Variants in TECRL observed in about 807,000 individuals in gnomAD.
The protein encoded by TECRL is trans-2,3-enoyl-CoA reductase like, also known as trans-2,3-enoyl-CoA reductase-like.
Under a neutral mutation model 52.8 loss-of-function variants are expected in TECRL, and 63 were observed. The observed-to-expected ratio is 1.19, with a 90% CI of 0.97 to 1.47. The LOEUF is 1.47. TECRL is among the 40% of genes most tolerant of loss of function. TECRL has a pLI of 0.00. For synonymous variants in TECRL, 164 were observed against 141.9 expected (o/e 1.16, Z -1.10); for missense variants, 482 against 429.6 (o/e 1.12, Z -1.08).
At chr4:64,338,856 A>G (rs1432670648) in intron 2 of TECRL, among the ~76,000 whole-genome samples, 1 of 152,198 alleles carries the variant, frequency 6.6e-6, no homozygotes, top group Admixed American at 6.5e-5. Context: ...TAGTTCAACC[A>G]TTGTGGAAGA....
chr4:64,398,353 G>C (rs985238264), intron 1 of TECRL, among the ~76,000 whole-genome samples: 1 of 152,118 alleles, frequency 6.6e-6, no homozygotes, highest in Non-Finnish European at 1.5e-5. Flanking sequence ...TGGTGGGAGG[G>C]AAATGAATCA....
At chr4:64,283,691 G>T (rs943129463) in intron 9 of TECRL, among the ~76,000 whole-genome samples, 1 of 151,978 alleles carries the variant, frequency 6.6e-6, no homozygotes, top group Non-Finnish European at 1.5e-5. Context: ...ACAGGTCCAG[G>T]TCTTAACTGC....
At chr4:64,329,509 A>G (rs898115637) in intron 2 of TECRL, among the ~76,000 whole-genome samples, 2 of 151,912 alleles carry the variant, frequency 1.3e-5, no homozygotes, top group African/African-American at 2.4e-5. Context: ...GATGAAAAAT[A>G]TATGTGGGTA....
intron 1 of TECRL, among the ~76,000 whole-genome samples, chr4:64,382,904 A>T (rs1234069271): frequency 2.0e-5 from 3 of 151,682 alleles, no homozygotes; most frequent in Admixed American, 6.6e-5. Flanking sequence ...TTGTATTTTC[A>T]TGGTGGTAGA....
intron 9 of TECRL, among the ~76,000 whole-genome samples, chr4:64,282,517 A>AT (rs973303648): frequency 6.6e-6 from 1 of 151,936 alleles, no homozygotes; most frequent in Non-Finnish European, 1.5e-5. Context: ...GTTATTACTG[A>AT]TTTTTTACAG....
intron 2 of TECRL, among the ~76,000 whole-genome samples, chr4:64,334,161 G>A (rs2110058162): frequency 6.6e-6 from 1 of 152,042 alleles, no homozygotes; most frequent in Non-Finnish European, 1.5e-5. Flanking sequence ...AAGAAAAGGG[G>A]CAGGCACATG....
intron 1 of TECRL, among the ~76,000 whole-genome samples, chr4:64,393,259 G>C (rs1723675607): frequency 6.6e-6 from 1 of 152,000 alleles, no homozygotes; most frequent in South Asian, 2.1e-4. Context: ...AAAAGGACAT[G>C]CATCACTTAG....
chr4:64,279,786 G>T lies in TECRL; in HGVS notation c.*286C>A. On this transcript the variant is annotated 3_prime_UTR_variant, in exon 12 of 12. Transcript: ENST00000381210. ...TTTTTGCTGTGGTATTTTGTCTTAT[G>T]CAAATAGTATTGTGAAGTATTAATG... 1.0e-6 allele frequency: 1 copy of T among 996,804 alleles called. No individual in the cohort carries two copies. 61.7% of individuals were successfully genotyped at this position (996,804 alleles called of 1,614,324 possible).
chr4:64,381,848 G>T (rs1722814608), intron 1 of TECRL, among the ~76,000 whole-genome samples: 1 of 151,978 alleles, frequency 6.6e-6, no homozygotes, highest in African/African-American at 2.4e-5. Context: ...TTGGCCTGTA[G>T]TACTATTTGC....
chr4:64,318,862 G>A (rs1471806933), intron 4 of TECRL, among the ~76,000 whole-genome samples: 3 of 151,864 alleles, frequency 2.0e-5, no homozygotes, highest in African/African-American at 4.8e-5. Context: ...AGCATTAGAA[G>A]AAATAACTAA....
At chr4:64,313,120 A>G (rs1577852707) in intron 5 of TECRL, among the ~76,000 whole-genome samples, 1 of 152,208 alleles carries the variant, frequency 6.6e-6, no homozygotes, top group Non-Finnish European at 1.5e-5. Context: ...GCTAATCAGG[A>G]CAAGAAAGGA....
intron 7 of TECRL, among the ~76,000 whole-genome samples, chr4:64,300,903 A>G (rs1723982502): frequency 6.6e-6 from 1 of 151,064 alleles, no homozygotes; most frequent in African/African-American, 2.4e-5. Flanking sequence ...AGAATGGCTG[A>G]AAAGGTCACT....
At chr4:64,292,558 A>G (rs2109954743) in intron 8 of TECRL, among the ~76,000 whole-genome samples, 1 of 152,164 alleles carries the variant, frequency 6.6e-6, no homozygotes, top group African/African-American at 2.4e-5. Flanking sequence ...TTATTATAGT[A>G]TAACAAATTA....
intron 2 of TECRL, among the ~76,000 whole-genome samples, chr4:64,374,775 T>G (rs1577957616): frequency 6.6e-6 from 1 of 152,166 alleles, no homozygotes; most frequent in African/African-American, 2.4e-5. Context: ...TATTCCATGG[T>G]GTGTATGTGC....
chr4:64,368,625 A>G (rs548440442), intron 2 of TECRL, among the ~76,000 whole-genome samples: 8 of 152,090 alleles, frequency 5.3e-5, no homozygotes, highest in Non-Finnish European at 1.2e-4. Context: ...AACAAACTAG[A>G]GGGAGAATCT....
intron 2 of TECRL, among the ~76,000 whole-genome samples, chr4:64,335,709 CTCT>C (rs1352168391): frequency 1.3e-5 from 2 of 152,110 alleles, no homozygotes. Context: ...ACTTTTCTTC[CTCT>C]TCTTCAACTA....
chr4:64,306,503 C>T (rs187152124), intron 6 of TECRL, among the ~76,000 whole-genome samples: 123 of 152,178 alleles, frequency 8.1e-4, no homozygotes, highest in African/African-American at 2.9e-3. Flanking sequence ...TCGTTGCTCT[C>T]CCTTCTTTAT....
chr4:64,346,389 T>C lies in TECRL; in HGVS notation c.287-17833A>G, dbSNP rs543823563. Among the ~76,000 whole-genome samples, 3 of 152,364 alleles carry C rather than the reference T, an allele frequency of 2.0e-5. No individual in the cohort carries two copies. In the East Asian group the frequency reaches 5.8e-4, roughly 29 times the overall value. The stretch of plus-strand genomic sequence containing the variant: ...TAGAAGAGGTTCTTCTTGAGAGCTC[T>C]GCTCCTACAGCCGACTTCTGTCTAG... On this transcript the variant is annotated intron_variant, in intron 2 of 11. Transcript: ENST00000381210.
intron 7 of TECRL, 66 bp downstream of exon 7, chr4:64,305,100 C>A: frequency 8.9e-7 from 1 of 1,124,338 alleles, no homozygotes; most frequent in Non-Finnish European, 1.3e-6. Context: ...TTATGTATGT[C>A]ATTTAGAATA....
Sources: allele counts gnomAD v4.1 joint callset (sites outside exome capture counted in the v4.1 genomes callset), GRCh38; gene constraint gnomAD v4.1.1; transcripts MANE v1.5; gene names NCBI Gene and HGNC (gene_info 2026-07-23, HGNC 2026-07-21).